The following ALK variants were observed in gnomAD, a reference collection of about 807,000 sequenced individuals.
ALK encodes ALK receptor tyrosine kinase, also known as ALK tyrosine kinase receptor.
Under a neutral mutation model 163.1 loss-of-function variants are expected in ALK, and 74 were observed. The observed-to-expected ratio is 0.45, with a 90% CI of 0.38 to 0.55. The LOEUF (loss-of-function observed/expected upper bound fraction) is 0.55. Ranked by LOEUF, ALK falls within the 20% of genes least tolerant of loss-of-function variation. The pLI is 0.00. For missense variants in ALK, 2,063 were observed against 2,105.3 expected, an observed-to-expected ratio of 0.98 and a Z score of 0.39; for synonymous variants, 960 against 843.2, an observed-to-expected ratio of 1.14 and a Z score of -2.40.
rs368836111 is a variant in ALK, at chr2:29,899,248, C to T, written c.667+20745G>A. Among the ~76,000 whole-genome samples, 259 of 152,296 alleles carry T rather than the reference C, an allele frequency of 1.7e-3. 3 individuals carry two copies. The South Asian group carries it at 0.041, about 24-fold the overall frequency. On this transcript the variant is annotated intron_variant, in intron 1 of 28. Transcript: ENST00000389048. ...TTTCTCTAGTGATTGACTTTGGCAT[C>T]GTGTGAGGCAGCCCCAGCAAATGGG...
At chr2:29,649,499 A>G (rs886751774) in intron 3 of ALK, among the ~76,000 whole-genome samples, 3 of 152,122 alleles carry the variant, frequency 2.0e-5, no homozygotes, top group Admixed American at 6.6e-5. Flanking sequence ...TGTAAACTTC[A>G]TAGGAGGGTG....
chr2:29,567,269 C>T (rs573109589), intron 3 of ALK, among the ~76,000 whole-genome samples: 1 of 152,308 alleles, frequency 6.6e-6, no homozygotes, highest in African/African-American at 2.4e-5. Flanking sequence ...ATACTCCATC[C>T]TTGTTGACAG....
intron 1 of ALK, among the ~76,000 whole-genome samples, chr2:29,825,587 C>A (rs1245788892): frequency 6.6e-6 from 1 of 152,182 alleles, no homozygotes; most frequent in East Asian, 1.9e-4. Flanking sequence ...GGAGGCAGAT[C>A]TGGAGGGCTT....
chr2:29,791,268 G>A (rs1664179120), intron 1 of ALK, among the ~76,000 whole-genome samples: 1 of 152,084 alleles, frequency 6.6e-6, no homozygotes, highest in African/African-American at 2.4e-5. Flanking sequence ...AAGAAAATGT[G>A]GCACATATAC....
chr2:29,470,499 T>G (rs978919155), intron 4 of ALK, among the ~76,000 whole-genome samples: 2 of 152,024 alleles, frequency 1.3e-5, no homozygotes, highest in Non-Finnish European at 2.9e-5. Flanking sequence ...AAAAGACACA[T>G]TACCTCCAAA....
At chr2:29,352,284 G>A (rs1482803731) in intron 5 of ALK, among the ~76,000 whole-genome samples, 1 of 152,242 alleles carries the variant, frequency 6.6e-6, no homozygotes, top group Non-Finnish European at 1.5e-5. Flanking sequence ...TACTGTTACT[G>A]GTTGTGGAAA....
intron 3 of ALK, among the ~76,000 whole-genome samples, chr2:29,634,269 T>C (rs1676462529): frequency 6.6e-6 from 1 of 152,166 alleles, no homozygotes; most frequent in South Asian, 2.1e-4. Context: ...TTCCAATTCA[T>C]TTTATGAAGC....
At chr2:29,710,711 C>T (rs923526725) in intron 2 of ALK, among the ~76,000 whole-genome samples, 6 of 152,136 alleles carry the variant, frequency 3.9e-5, no homozygotes, top group Non-Finnish European at 7.3e-5. Context: ...AGGGTTTCAC[C>T]ATGTTAGCCA....
intron 1 of ALK, among the ~76,000 whole-genome samples, chr2:29,898,589 C>T (rs1348370715): frequency 6.6e-6 from 1 of 152,190 alleles, no homozygotes; most frequent in Non-Finnish European, 1.5e-5. Context: ...GTTCAATTAA[C>T]ATCAATAATG....
intron 4 of ALK, among the ~76,000 whole-genome samples, chr2:29,437,891 C>G (rs544565999): frequency 6.6e-6 from 1 of 152,230 alleles, no homozygotes; most frequent in Admixed American, 6.5e-5. Flanking sequence ...CAGATTCAAA[C>G]AGTCATTTAT....
rs1668913952 is a variant in ALK, at chr2:29,193,165, C to T, written c.*59G>A. The T allele has an allele frequency of 6.7e-7, 1 of 1,484,468 alleles. No homozygotes were observed. The highest frequency in any genetic ancestry group is 9.3e-7 in the Non-Finnish European group (1 of 1,080,410). 92.0% of individuals were successfully genotyped at this position (1,484,468 alleles called of 1,614,324 possible). The stretch of plus-strand genomic sequence containing the variant: ...CTCTGGTTTGTGAAGGAGCCATTGC[C>T]TCTCTCTCCTCCACGGTCTTAGGGA... On this transcript the variant is annotated 3_prime_UTR_variant, in exon 29 of 29. Coordinates refer to ENST00000389048, the MANE Select transcript of ALK (RefSeq NM_004304.5).
chr2:29,318,161 C>T (rs1001762594), intron 8 of ALK, 143 bp downstream of exon 8: 3 of 718,182 alleles, frequency 4.2e-6, no homozygotes, highest in Non-Finnish European at 7.7e-6. Context: ...TGCTCTGCCT[C>T]GAAGATGGCA....
rs533850350 is a variant in ALK at position 29,806,638 on chromosome 2, G to A, written c.668-88941C>T. Among the ~76,000 whole-genome samples the A allele has an allele frequency of 1.1e-3, 172 of 152,254 alleles. 1 individual carries two copies. The highest frequency in any genetic ancestry group is 4.0e-3 in the African/African-American group (167 of 41,526). On this transcript the variant is annotated intron_variant, in intron 1 of 28. Transcript: ENST00000389048. ...ATGTCAATATTTGCAGATGTTGTCC[G>A]GAATGCTGGGGTTTGTCAAAATAGA...
intron 5 of ALK, among the ~76,000 whole-genome samples, chr2:29,333,482 C>T (rs1463292615): frequency 2.6e-5 from 4 of 152,046 alleles, no homozygotes; most frequent in Middle Eastern, 3.2e-3. Flanking sequence ...GCCAACGTAT[C>T]GATTAGGTTC....
chr2:29,811,832 T>G (rs1347423157), intron 1 of ALK, among the ~76,000 whole-genome samples: 2 of 152,198 alleles, frequency 1.3e-5, no homozygotes, highest in African/African-American at 4.8e-5. Context: ...TCCAGAGTAA[T>G]GCATTGGTAT....
chr2:29,903,143 A>G (rs182255160), intron 1 of ALK, among the ~76,000 whole-genome samples: 7 of 152,270 alleles, frequency 4.6e-5, no homozygotes, highest in African/African-American at 7.2e-5. Context: ...ACATCTTGTA[A>G]TTATTGCCTG....
chr2:29,491,543 G>C (rs1463832115), intron 4 of ALK, among the ~76,000 whole-genome samples: 1 of 152,166 alleles, frequency 6.6e-6, no homozygotes, highest in African/African-American at 2.4e-5. Flanking sequence ...ACGGAGCTTT[G>C]ATTCTAAAAT....
chr2:29,717,462 A>C, intron 2 of ALK, 116 bp downstream of exon 2: 1 of 1,274,128 alleles, frequency 7.8e-7, no homozygotes, highest in Non-Finnish European at 1.1e-6. Context: ...CTTCTTTTGC[A>C]TATAGGGAGC....
chr2:29,856,877 G>A (rs1204740864), intron 1 of ALK, among the ~76,000 whole-genome samples: 12 of 152,154 alleles, frequency 7.9e-5, no homozygotes, highest in African/African-American at 7.2e-5. Flanking sequence ...GGATGACCTC[G>A]CAGTTTCTCC....
Sources: allele counts gnomAD v4.1 joint callset (sites outside exome capture counted in the v4.1 genomes callset), GRCh38; gene constraint gnomAD v4.1.1; transcripts MANE v1.5; gene names NCBI Gene and HGNC (gene_info 2026-07-23, HGNC 2026-07-21).